The following PSD3 variants were observed in gnomAD, a reference collection of about 807,000 sequenced individuals.
The protein encoded by PSD3 is pleckstrin and Sec7 domain containing 3, also known as PH and SEC7 domain-containing protein 3.
A neutral mutation model predicts 105.5 loss-of-function variants in PSD3; 49 were observed. The observed-to-expected ratio is 0.46, with a 90% confidence interval of 0.37 to 0.59. The LOEUF (loss-of-function observed/expected upper bound fraction) is 0.59, where lower values mean the gene tolerates loss of function less well. Ranked by LOEUF, PSD3 falls within the 20% of genes least tolerant of loss-of-function variation. The pLI is 0.00. For missense variants in PSD3, 1,561 were observed against 1,263.8 expected, an observed-to-expected ratio of 1.24 and a Z score of -3.57; for synonymous variants, 557 against 457.8, an observed-to-expected ratio of 1.22 and a Z score of -2.77.
At chr8:18,972,087 TCTTA>T (rs1490063594) in intron 1 of PSD3, among the ~76,000 whole-genome samples, 1 of 152,204 alleles carries the variant, frequency 6.6e-6, no homozygotes, top group Non-Finnish European at 1.5e-5. Flanking sequence ...AAGGTATGAC[TCTTA>T]CTAATTCAAA....
intron 1 of PSD3, among the ~76,000 whole-genome samples, chr8:18,973,422 C>A (rs1824761388): frequency 6.6e-6 from 1 of 152,232 alleles, no homozygotes; most frequent in African/African-American, 2.4e-5. Flanking sequence ...GGCCCTCTTA[C>A]TGGCTTGGAG....
intron 2 of PSD3, among the ~76,000 whole-genome samples, chr8:18,920,223 C>T (rs1321772490): frequency 1.3e-5 from 2 of 152,090 alleles, no homozygotes; most frequent in African/African-American, 2.4e-5. Context: ...AATACCTTTT[C>T]GTAACATTTT....
chr8:18,899,858 G>A (rs528703184), intron 2 of PSD3, among the ~76,000 whole-genome samples: 1 of 152,094 alleles, frequency 6.6e-6, no homozygotes, highest in African/African-American at 2.4e-5. Flanking sequence ...TATAGACAAG[G>A]GCATTCCTCA....
rs1223156609 is a variant in PSD3 at position 18,687,658 on chromosome 8, A to G, written c.2173-31973T>C. Among the ~76,000 whole-genome samples the G allele has an allele frequency of 2.6e-5, 4 of 152,146 alleles. No individual in the cohort carries two copies. The South Asian group carries it at 8.3e-4, about 32-fold the overall frequency. On this transcript the variant is annotated intron_variant, in intron 9 of 15. Coordinates refer to ENST00000327040, the MANE Select transcript of PSD3 (RefSeq NM_015310.4). Reference sequence around the variant, plus strand: ...TCCTATGCATCCTTCCAGAGATAATAAGCCATCCACGTGTGTGTGTCCACG... The same window carrying G: ...TCCTATGCATCCTTCCAGAGATAATGAGCCATCCACGTGTGTGTGTCCACG...
intron 1 of PSD3, among the ~76,000 whole-genome samples, chr8:18,947,166 G>A (rs1446290690): frequency 2.0e-5 from 3 of 152,098 alleles, no homozygotes; most frequent in Non-Finnish European, 2.9e-5. Flanking sequence ...CTCAAGAGTA[G>A]AGAGCTTCAC....
At chr8:18,781,769 C>A (rs1316671150) in intron 8 of PSD3, among the ~76,000 whole-genome samples, 1 of 152,104 alleles carries the variant, frequency 6.6e-6, no homozygotes, top group Non-Finnish European at 1.5e-5. Flanking sequence ...GAAGTTTTTA[C>A]CTATTATTTC....
At chr8:18,732,119 C>T (rs1803800109) in intron 9 of PSD3, among the ~76,000 whole-genome samples, 1 of 151,924 alleles carries the variant, frequency 6.6e-6, no homozygotes, top group Non-Finnish European at 1.5e-5. Context: ...TCAGGAGAGT[C>T]ACCTGCTTCA....
chr8:18,587,355 G>A (rs1214141790), intron 12 of PSD3, among the ~76,000 whole-genome samples: 1 of 152,084 alleles, frequency 6.6e-6, no homozygotes, highest in Non-Finnish European at 1.5e-5. Flanking sequence ...TTTCGTAAAT[G>A]GGACACTTTA....
At chr8:18,679,853 A>T (rs1051181227) in intron 9 of PSD3, among the ~76,000 whole-genome samples, 1 of 152,222 alleles carries the variant, frequency 6.6e-6, no homozygotes, top group Admixed American at 6.5e-5. Context: ...TCACTGAATA[A>T]AAGCTTTAAA....
chr8:18,779,822 G>A (rs1463691910), intron 8 of PSD3, among the ~76,000 whole-genome samples: 1 of 151,874 alleles, frequency 6.6e-6, no homozygotes, highest in Non-Finnish European at 1.5e-5. Flanking sequence ...TTTTTTAATC[G>A]TTGAGACTAC....
chr8:18,765,094 A>G (rs190310725), intron 9 of PSD3, among the ~76,000 whole-genome samples: 1 of 152,314 alleles, frequency 6.6e-6, no homozygotes, highest in East Asian at 1.9e-4. Flanking sequence ...TTTCCATTAT[A>G]GCCTGCAAAT....
chr8:19,077,137 T>G (rs977652460), intron 1 of PSD3, among the ~76,000 whole-genome samples: 3 of 152,190 alleles, frequency 2.0e-5, no homozygotes, highest in African/African-American at 7.2e-5. Flanking sequence ...CTGAGATATC[T>G]CTGACCTGAG....
intron 1 of PSD3, among the ~76,000 whole-genome samples, chr8:19,007,628 G>A (rs943705188): frequency 1.3e-5 from 2 of 151,988 alleles, no homozygotes; most frequent in African/African-American, 2.4e-5. Context: ...AGTTTGACTC[G>A]CACTAGTACG....
chr8:18,834,445 C>T (rs1034292702), intron 4 of PSD3, among the ~76,000 whole-genome samples: 1 of 152,162 alleles, frequency 6.6e-6, no homozygotes, highest in Non-Finnish European at 1.5e-5. Context: ...CTAATCACTG[C>T]ATCCTTGTGT....
At chr8:18,542,651 A>G (rs749338583) in intron 15 of PSD3, among the ~76,000 whole-genome samples, 74 of 152,238 alleles carry the variant, frequency 4.9e-4, no homozygotes, top group African/African-American at 1.7e-3. Flanking sequence ...TAATGAGCCC[A>G]TGGAAAGCAT....
chr8:19,079,692 G>A (rs1000720008), intron 1 of PSD3, among the ~76,000 whole-genome samples: 13 of 152,036 alleles, frequency 8.6e-5, no homozygotes, highest in South Asian at 2.1e-4. Context: ...TTGCAATACC[G>A]GTCCAAAATT....
chr8:18,959,547 G>A (rs946584843), intron 1 of PSD3, among the ~76,000 whole-genome samples: 24 of 151,618 alleles, frequency 1.6e-4, no homozygotes, highest in Middle Eastern at 3.4e-3. Flanking sequence ...AAGCAACGGT[G>A]CTCATCTCCT....
At chr8:18,659,652 A>G (rs760506593) in intron 9 of PSD3, among the ~76,000 whole-genome samples, 1 of 152,248 alleles carries the variant, frequency 6.6e-6, no homozygotes, top group African/African-American at 2.4e-5. Context: ...AATATATTCA[A>G]ATAATCTGGT....
intron 8 of PSD3, among the ~76,000 whole-genome samples, chr8:18,789,697 CCAAA>C (rs1809513706): frequency 6.6e-6 from 1 of 152,130 alleles, no homozygotes; most frequent in Non-Finnish European, 1.5e-5. Context: ...CAAGGACTAA[CCAAA>C]CAATTTTTAA....
Sources: gnomAD v4.1 joint callset for allele counts (sites outside exome capture counted in the v4.1 genomes callset) on GRCh38, gnomAD v4.1.1 for gene constraint, MANE v1.5 for transcripts, NCBI Gene and HGNC (gene_info 2026-07-23, HGNC 2026-07-21) for gene names.